The following RERG variants were observed in gnomAD, a reference collection of about 807,000 sequenced individuals.
RERG encodes ras-related and estrogen-regulated growth inhibitor.
In RERG, 25 loss-of-function variants were observed where a neutral mutation model predicts 23.2. The observed-to-expected ratio is 1.08, with a 90% CI of 0.79 to 1.50. The LOEUF is 1.50. RERG is among the 40% of genes most tolerant of loss of function. The pLI is 0.00. For synonymous variants in RERG, 81 were observed against 89.1 expected, an observed-to-expected ratio of 0.91 and a Z score of 0.51; for missense variants, 253 against 250.1, an observed-to-expected ratio of 1.01 and a Z score of -0.08.
At chr12:15,145,347 G>T (rs918098) in intron 2 of RERG, among the ~76,000 whole-genome samples, 99,798 of 152,148 alleles carry the variant, frequency 0.66, 32,895 homozygotes, top group Admixed American at 0.74. Context: ...CTGGTTAGCT[G>T]TGAAGAAGTT....
At chr12:15,182,293 G>A (rs1591661110) in intron 2 of RERG, among the ~76,000 whole-genome samples, 1 of 151,994 alleles carries the variant, frequency 6.6e-6, no homozygotes, top group Non-Finnish European at 1.5e-5. Context: ...CCCGGCCTTA[G>A]GTGATCCGCC....
intron 2 of RERG, among the ~76,000 whole-genome samples, chr12:15,137,489 C>T (rs1328846901): frequency 1.3e-5 from 2 of 150,662 alleles, no homozygotes; most frequent in Non-Finnish European, 3.0e-5. Context: ...TTGGTTTTAC[C>T]TGCGCATTTT....
chr12:15,111,343 C>T lies in RERG; in HGVS notation c.192+1G>A. On this transcript the variant is annotated splice_donor_variant, in intron 4 of 4. Coordinates refer to ENST00000256953, the MANE Select transcript of RERG (RefSeq NM_032918.3). LOFTEE classifies it high-confidence loss of function. ...ATATTTTAGCTGAACTCTTTATTCACCTGACCAGCAGTGTCTAGTATCTCC... is the reference window on the plus strand; with the variant it reads ...ATATTTTAGCTGAACTCTTTATTCATCTGACCAGCAGTGTCTAGTATCTCC... 2 of 1,604,066 alleles carry T rather than the reference C, an allele frequency of 1.2e-6. No individual in the cohort carries two copies. The highest frequency in any genetic ancestry group is 2.2e-5 in the East Asian group (1 of 44,590).
At chr12:15,161,159 A>AAAGAAAGG in intron 2 of RERG, among the ~76,000 whole-genome samples, 1 of 122,840 alleles carries the variant, frequency 8.1e-6, no homozygotes, top group South Asian at 3.1e-4. Flanking sequence ...AGAAAGAAAG[A>AAAGAAAGG]AAGAAAGAAA....
intron 2 of RERG, among the ~76,000 whole-genome samples, chr12:15,193,436 G>A (rs1054122215): frequency 2.0e-5 from 3 of 152,046 alleles, no homozygotes; most frequent in Non-Finnish European, 4.4e-5. Flanking sequence ...ACCACAAGAT[G>A]TTCCATACCA....
chr12:15,167,067 T>G (rs1435658947), intron 2 of RERG, among the ~76,000 whole-genome samples: 2 of 152,208 alleles, frequency 1.3e-5, no homozygotes. Flanking sequence ...CGACAATGCA[T>G]AGGCAAGCCT....
At chr12:15,196,644 C>T (rs1446405241) in intron 2 of RERG, among the ~76,000 whole-genome samples, 1 of 152,106 alleles carries the variant, frequency 6.6e-6, no homozygotes, top group South Asian at 2.1e-4. Flanking sequence ...ATTTAGTTTA[C>T]ACTAAAAATG....
intron 2 of RERG, among the ~76,000 whole-genome samples, chr12:15,165,879 T>C (rs1364932742): frequency 2.0e-5 from 3 of 152,170 alleles, no homozygotes; most frequent in Non-Finnish European, 4.4e-5. Flanking sequence ...GTCAACCTTT[T>C]AGAGATGGAA....
intron 2 of RERG, among the ~76,000 whole-genome samples, chr12:15,167,751 A>G (rs981082905): frequency 2.0e-5 from 3 of 152,098 alleles, no homozygotes; most frequent in Admixed American, 1.3e-4. Context: ...CTTTTTTTGC[A>G]TAGACTTCCC....
intron 2 of RERG, among the ~76,000 whole-genome samples, chr12:15,207,434 T>C (rs1442583038): frequency 6.6e-6 from 1 of 151,946 alleles, no homozygotes; most frequent in African/African-American, 2.4e-5. Flanking sequence ...ATGGCATACG[T>C]TAAAAACAAA....
chr12:15,201,231 G>A (rs1470733405), intron 2 of RERG, among the ~76,000 whole-genome samples: 1 of 151,802 alleles, frequency 6.6e-6, no homozygotes, highest in South Asian at 2.1e-4. Context: ...GGACAAGGGA[G>A]GGAGAAGGGA....
intron 2 of RERG, among the ~76,000 whole-genome samples, chr12:15,150,592 T>C (rs1209094191): frequency 1.3e-5 from 2 of 152,244 alleles, no homozygotes; most frequent in African/African-American, 2.4e-5. Context: ...TCTAGGGACT[T>C]AGTTTTCTCC....
intron 2 of RERG, among the ~76,000 whole-genome samples, chr12:15,201,746 A>G (rs1351444299): frequency 6.6e-6 from 1 of 151,274 alleles, no homozygotes; most frequent in Non-Finnish European, 1.5e-5. Context: ...AATATTAATT[A>G]TTAGTAATTG....
At chr12:15,175,165 GT>G (rs796515123) in intron 2 of RERG, among the ~76,000 whole-genome samples, 43 of 140,210 alleles carry the variant, frequency 3.1e-4, no homozygotes, top group Middle Eastern at 3.7e-3. Flanking sequence ...TGTATTTGTT[GT>G]TTTTTTTTTT....
chr12:15,116,593 T>G lies in RERG; in HGVS notation c.118+4470A>C, dbSNP rs919538950. On this transcript the variant is annotated intron_variant, in intron 3 of 4. Coordinates refer to ENST00000256953, the MANE Select transcript of RERG (RefSeq NM_032918.3). ...TGTGGTAGCGTGATTTTGTCTAAGG[T>G]GAATACTGGGTTCATACCATTTTAA... Among the ~76,000 whole-genome samples, 6 of 152,134 alleles carry G rather than the reference T, an allele frequency of 3.9e-5. No homozygotes were observed. The South Asian group carries it at 1.2e-3, about 32-fold the overall frequency.
intron 2 of RERG, among the ~76,000 whole-genome samples, chr12:15,128,641 G>T (rs559314433): frequency 6.6e-6 from 1 of 152,206 alleles, no homozygotes; most frequent in Non-Finnish European, 1.5e-5. Flanking sequence ...ATTGAGGTGA[G>T]CTGGACTCAC....
chr12:15,142,835 A>G (rs917073075), intron 2 of RERG, among the ~76,000 whole-genome samples: 2 of 152,172 alleles, frequency 1.3e-5, no homozygotes, highest in African/African-American at 4.8e-5. Flanking sequence ...ATCATCTGTT[A>G]TATTCTCACT....
chr12:15,159,506 A>T (rs1443206074), intron 2 of RERG, among the ~76,000 whole-genome samples: 3 of 152,194 alleles, frequency 2.0e-5, no homozygotes, highest in African/African-American at 7.2e-5. Context: ...GGACATATTT[A>T]TATCTATTGA....
intron 2 of RERG, among the ~76,000 whole-genome samples, chr12:15,148,407 A>G (rs985368696): frequency 1.3e-5 from 2 of 152,064 alleles, no homozygotes; most frequent in African/African-American, 4.8e-5. Flanking sequence ...TGCGGGGGGG[A>G]AATGACCTAA....
Sources: gnomAD v4.1 joint callset for allele counts (sites outside exome capture counted in the v4.1 genomes callset) on GRCh38, gnomAD v4.1.1 for gene constraint, MANE v1.5 for transcripts, NCBI Gene and HGNC (gene_info 2026-07-23, HGNC 2026-07-21) for gene names.